THSD4: variants seen among roughly 807,000 people sequenced by gnomAD.
THSD4 encodes the protein thrombospondin type-1 domain-containing protein 4.
In THSD4, 69 loss-of-function variants were observed where a neutral mutation model predicts 119.0. That is an observed-to-expected ratio of 0.58 (90% CI 0.48 to 0.71). THSD4 has a LOEUF of 0.71. Among genes scored for constraint, THSD4 ranks in the 30% least tolerant of loss-of-function variants. The probability of loss-of-function intolerance (pLI) is 0.00; values close to 1 mark genes in which losing one functional copy is unlikely to be tolerated. For missense variants in THSD4, 1,393 were observed against 1,391.1 expected, an observed-to-expected ratio of 1.00 and a Z score of -0.02; for synonymous variants, 524 against 540.4, an observed-to-expected ratio of 0.97 and a Z score of 0.42.
intron 7 of THSD4, among the ~76,000 whole-genome samples, chr15:71,562,997 G>A (rs180777868): frequency 1.3e-5 from 2 of 152,228 alleles, no homozygotes; most frequent in East Asian, 1.9e-4. Flanking sequence ...GCCCTTTGCT[G>A]TATATTCTAT....
chr15:71,764,932 G>A, intron 15 of THSD4, 88 bp from the exon 16 acceptor site: 2 of 1,476,204 alleles, frequency 1.4e-6, no homozygotes, highest in Non-Finnish European at 1.8e-6. Flanking sequence ...AGAATTGACG[G>A]TGCCCGTCAT....
In THSD4 at chr15:71,218,079, G is replaced by C. The variant is rs1184196506; in HGVS notation, c.464+2680G>C. Among the ~76,000 whole-genome samples, 96 of 152,134 alleles carry C rather than the reference G, an allele frequency of 6.3e-4. 1 individual carries two copies. The highest frequency in any genetic ancestry group is 2.9e-5 in the Non-Finnish European group (2 of 68,026). On this transcript the variant is annotated intron_variant, in intron 4 of 17. Transcript: ENST00000261862. ...GAGTCACCGTGCGTGGCCTCCCCAG[G>C]CACTGTTCTTATCACTTTACACTCA...
chr15:71,529,845 G>A (rs182261236), intron 7 of THSD4, among the ~76,000 whole-genome samples: 1 of 152,144 alleles, frequency 6.6e-6, no homozygotes, highest in South Asian at 2.1e-4. Flanking sequence ...GGGGATCATA[G>A]CTACCTCCCA....
chr15:71,556,764 T>TAAAAAAA (rs61509514), intron 7 of THSD4, among the ~76,000 whole-genome samples: 1 of 138,592 alleles, frequency 7.2e-6, no homozygotes, highest in Non-Finnish European at 1.5e-5. Context: ...GACCCTGTCT[T>TAAAAAAA]AAAAAAAAAA....
At chr15:71,416,540 G>T (rs2046760574) in intron 7 of THSD4, among the ~76,000 whole-genome samples, 1 of 107,578 alleles carries the variant, frequency 9.3e-6, no homozygotes, top group Non-Finnish European at 2.0e-5. Context: ...ATTAGAACTG[G>T]GGTGAGACAA....
intron 8 of THSD4, among the ~76,000 whole-genome samples, chr15:71,685,041 A>C (rs1296496049): frequency 2.0e-5 from 3 of 152,100 alleles, no homozygotes; most frequent in African/African-American, 7.2e-5. Flanking sequence ...TAATTTCAGC[A>C]TCATCTGATA....
intron 7 of THSD4, among the ~76,000 whole-genome samples, chr15:71,533,464 A>G (rs2048645736): frequency 6.6e-6 from 1 of 152,226 alleles, no homozygotes; most frequent in African/African-American, 2.4e-5. Context: ...CCTTAGTTTT[A>G]TAATTAAAGA....
At chr15:71,268,465 AG>A (rs1403178562) in intron 6 of THSD4, among the ~76,000 whole-genome samples, 1 of 152,238 alleles carries the variant, frequency 6.6e-6, no homozygotes, top group African/African-American at 2.4e-5. Context: ...CAGTGTTGAC[AG>A]GGAAATTTAT....
At chr15:71,649,896 C>T (rs760151852) in intron 7 of THSD4, among the ~76,000 whole-genome samples, 1 of 152,188 alleles carries the variant, frequency 6.6e-6, no homozygotes, top group Non-Finnish European at 1.5e-5. Flanking sequence ...TGCTCTTCAA[C>T]CATTTCCTGG....
Position 71,421,566 on chromosome 15 carries a change from A to G in THSD4, c.1152+9743A>G, listed in dbSNP as rs569386516. ...AATGGCGCTTCATTGTATGTTATTT[A>G]TTTCTTTTCTCTTGCTGCTTTTAGG... On this transcript the variant is annotated intron_variant, in intron 7 of 17. Coordinates refer to ENST00000261862, the MANE Select transcript of THSD4 (RefSeq NM_024817.3). Among the ~76,000 whole-genome samples, 3 of 151,918 alleles carry G rather than the reference A, an allele frequency of 2.0e-5. No homozygotes were observed. In the South Asian group the frequency reaches 6.3e-4, roughly 32 times the overall value.
At chr15:71,495,435 C>T (rs2047999424) in intron 7 of THSD4, among the ~76,000 whole-genome samples, 1 of 152,148 alleles carries the variant, frequency 6.6e-6, no homozygotes. Context: ...CCCCAATATT[C>T]ATTCCCTCCC....
At chr15:71,401,031 T>C (rs886180495) in intron 6 of THSD4, among the ~76,000 whole-genome samples, 16 of 152,152 alleles carry the variant, frequency 1.1e-4, no homozygotes, top group Non-Finnish European at 1.9e-4. Flanking sequence ...AGTGGGAGAA[T>C]GTGCAATTGT....
intron 8 of THSD4, among the ~76,000 whole-genome samples, chr15:71,716,337 AT>A (rs775710888): frequency 4.5e-4 from 69 of 152,182 alleles, no homozygotes; most frequent in Non-Finnish European, 5.6e-4. Flanking sequence ...ATAAGGTAAC[AT>A]TTACAGGTTC....
At position 71,147,190 on chromosome 15, in the gene THSD4, C is replaced by A. The variant is rs1171719404; in HGVS notation, c.29+5634C>A. On this transcript the variant is annotated intron_variant, in intron 2 of 17. Coordinates refer to ENST00000261862, the MANE Select transcript of THSD4 (RefSeq NM_024817.3). ...TTTCTTGATGAAAACTGTCACAGAGCAGCACTTTTTGTTTTTGAATTTTTA... is the reference window on the plus strand; with the variant it reads ...TTTCTTGATGAAAACTGTCACAGAGAAGCACTTTTTGTTTTTGAATTTTTA... Among the ~76,000 whole-genome samples, 4 of 152,168 alleles carry A rather than the reference C, an allele frequency of 2.6e-5. No individual in the cohort carries two copies. The South Asian group carries it at 6.2e-4, about 24-fold the overall frequency.
rs776815405 is a variant in THSD4, at chr15:71,737,799, G to A, written c.1698G>A (p.Arg566=). The part of the protein sequence containing the change: ...RSQEEGEQKG[R]NEEKEDLRGE... ...AGGAGGAGGGAGAACAGAAAGGGAGGAACGAGGAGAAGGAAGACTTGCGTG... is the reference window on the plus strand; with the variant it reads ...AGGAGGAGGGAGAACAGAAAGGGAGAAACGAGGAGAAGGAAGACTTGCGTG... The change falls in exon 11 of 18, where the codon AGG becomes AGA. Residue 566 remains arginine (R), a synonymous_variant. Coordinates refer to ENST00000261862, the MANE Select transcript of THSD4 (RefSeq NM_024817.3). The A allele has an allele frequency of 1.2e-5, 20 of 1,614,102 alleles. No homozygotes were observed. In the South Asian group the frequency reaches 2.0e-4, roughly 16 times the overall value.
At chr15:71,570,413 C>T (rs200703677) in intron 7 of THSD4, among the ~76,000 whole-genome samples, 11 of 148,782 alleles carry the variant, frequency 7.4e-5, no homozygotes, top group African/African-American at 1.5e-4. Context: ...CTTTTTTTTT[C>T]TTTTTTTTTT....
intron 7 of THSD4, among the ~76,000 whole-genome samples, chr15:71,537,369 A>G (rs1268020614): frequency 1.3e-5 from 2 of 151,916 alleles, no homozygotes; most frequent in South Asian, 2.1e-4. Flanking sequence ...GAAAGAAAAA[A>G]TCTCTGCAAC....
intron 8 of THSD4, among the ~76,000 whole-genome samples, chr15:71,709,347 G>T (rs74025507): frequency 1.3e-5 from 2 of 152,064 alleles, no homozygotes; most frequent in Non-Finnish European, 2.9e-5. Context: ...TTTAGCAGCA[G>T]CACCTGTGTG....
At chr15:71,513,629 G>T (rs897845069) in intron 7 of THSD4, among the ~76,000 whole-genome samples, 1 of 152,152 alleles carries the variant, frequency 6.6e-6, no homozygotes, top group Non-Finnish European at 1.5e-5. Context: ...GCTGATGGGC[G>T]TGTAAAATGG....
Sources: allele counts gnomAD v4.1 joint callset (sites outside exome capture counted in the v4.1 genomes callset), GRCh38; gene constraint gnomAD v4.1.1; transcripts MANE v1.5; gene names NCBI Gene and HGNC (gene_info 2026-07-23, HGNC 2026-07-21).